FRMD5: variants seen among roughly 807,000 people sequenced by gnomAD.
FRMD5 encodes the protein FERM domain containing 5, also known as FERM domain-containing protein 5.
FRMD5 carries 20 observed loss-of-function variants against 69.0 expected under a neutral mutation model. That is an observed-to-expected ratio of 0.29 (90% CI 0.20 to 0.42). The LOEUF is 0.42. Ranked by LOEUF, FRMD5 falls within the 10% of genes least tolerant of loss-of-function variation. The pLI, the probability that FRMD5 is intolerant of heterozygous loss-of-function variation, is 1.00. For missense variants in FRMD5, 595 were observed against 708.6 expected (o/e 0.84, Z 1.82); for synonymous variants, 271 against 260.1 (o/e 1.04, Z -0.40).
chr15:43,900,433 G>A (rs1312391920), intron 7 of FRMD5, among the ~76,000 whole-genome samples: 1 of 152,184 alleles, frequency 6.6e-6, no homozygotes, highest in Non-Finnish European at 1.5e-5. Context: ...AAGAACACAG[G>A]GGTTACTTTG....
rs138711241 is a variant in FRMD5 at position 43,918,380 on chromosome 15, C to T, written c.329+1079G>A. 2.4e-3 allele frequency among the ~76,000 whole-genome samples: 363 copies of T among 152,268 alleles called. 1 individual carries two copies. Among genetic ancestry groups the T allele is most frequent in the Admixed American group, 5.8e-3 (89 of 15,306 alleles). ...TGGAGGTTGCAGTGAGCTGAGATCG[C>T]GCCACTGCACTCCAGCCTGGGCAAC... On this transcript the variant is annotated intron_variant, in intron 4 of 13. Transcript: ENST00000417257.
intron 1 of FRMD5, among the ~76,000 whole-genome samples, chr15:44,028,813 T>C (rs1345105564): frequency 6.6e-6 from 1 of 152,170 alleles, no homozygotes; most frequent in Non-Finnish European, 1.5e-5. Context: ...GAGACACCTA[T>C]GGCCATCATT....
At position 44,034,416 on chromosome 15, in the gene FRMD5, A is replaced by G. The variant is rs1020803012; in HGVS notation, c.103-110107T>C. ...AGTAATACCCATGTGTTGTCTTTAAAGGTTCACTTGGTCTACACTTGGGTT... is the reference window on the plus strand; with the variant it reads ...AGTAATACCCATGTGTTGTCTTTAAGGGTTCACTTGGTCTACACTTGGGTT... On this transcript the variant is annotated intron_variant, in intron 1 of 13. Transcript: ENST00000417257. 1.1e-4 allele frequency among the ~76,000 whole-genome samples: 17 copies of G among 152,334 alleles called. 1 individual carries two copies. The highest frequency in any genetic ancestry group is 8.5e-4 in the Admixed American group (13 of 15,306).
chr15:44,047,409 T>C (rs556944426), intron 1 of FRMD5, among the ~76,000 whole-genome samples: 9 of 152,286 alleles, frequency 5.9e-5, no homozygotes, highest in African/African-American at 1.9e-4. Context: ...ACGGGTGCCC[T>C]CTGGCCTGCT....
At chr15:44,079,083 C>G (rs1893890610) in intron 1 of FRMD5, among the ~76,000 whole-genome samples, 1 of 151,730 alleles carries the variant, frequency 6.6e-6, no homozygotes, top group Non-Finnish European at 1.5e-5. Context: ...AAAAAACATC[C>G]CAATTAAAAA....
chr15:43,914,777 A>G (rs1595513331), intron 4 of FRMD5, among the ~76,000 whole-genome samples: 2 of 133,480 alleles, frequency 1.5e-5, no homozygotes, highest in Non-Finnish European at 3.0e-5. Context: ...CCAGGCTGGA[A>G]TGCAGTAGTG....
intron 7 of FRMD5, among the ~76,000 whole-genome samples, chr15:43,895,217 A>C (rs2088885582): frequency 1.3e-5 from 2 of 152,254 alleles, no homozygotes; most frequent in African/African-American, 4.8e-5. Flanking sequence ...GCTAGTTAGG[A>C]AACGAAAATG....
At chr15:44,196,746 CTCTCTT>C (rs146745665), upstream of FRMD5, among the ~76,000 whole-genome samples, 136 of 109,412 alleles carry the variant, frequency 1.2e-3, no homozygotes, top group Middle Eastern at 0.014. Context: ...CTCTCTCTCT[CTCTCTT>C]TCTCTCTCTC....
At chr15:43,971,890 T>C (rs2090385912) in intron 1 of FRMD5, among the ~76,000 whole-genome samples, 1 of 150,108 alleles carries the variant, frequency 6.7e-6, no homozygotes, top group South Asian at 2.1e-4. Context: ...GTATTTTTAG[T>C]AGAGACAGGG....
chr15:44,022,904 T>A (rs1290067575), intron 1 of FRMD5, among the ~76,000 whole-genome samples: 1 of 152,174 alleles, frequency 6.6e-6, no homozygotes, highest in African/African-American at 2.4e-5. Flanking sequence ...TACAAAGTTT[T>A]GGGTTATATG....
chr15:44,124,428 G>A (rs1020426909), intron 1 of FRMD5, among the ~76,000 whole-genome samples: 3 of 151,924 alleles, frequency 2.0e-5, no homozygotes, highest in South Asian at 2.1e-4. Context: ...TCTTGTGGGC[G>A]ATGGCTCACA....
At chr15:43,987,109 GCTTTC>G (rs1889431931) in intron 1 of FRMD5, among the ~76,000 whole-genome samples, 1 of 151,914 alleles carries the variant, frequency 6.6e-6, no homozygotes, top group South Asian at 2.1e-4. Flanking sequence ...CTCTCTTCAG[GCTTTC>G]CTATTCCCCC....
At chr15:44,176,537 C>A (rs1006605065) in intron 1 of FRMD5, among the ~76,000 whole-genome samples, 2 of 152,008 alleles carry the variant, frequency 1.3e-5, no homozygotes, top group African/African-American at 2.4e-5. Flanking sequence ...AAATTGGACT[C>A]CATCAAAATT....
chr15:44,020,024 C>T (rs894746433), intron 1 of FRMD5, among the ~76,000 whole-genome samples: 2 of 151,932 alleles, frequency 1.3e-5, no homozygotes, highest in African/African-American at 4.8e-5. Context: ...TATATGTTTT[C>T]TTTGAATGAA....
At chr15:44,072,283 T>C (rs1416125226) in intron 1 of FRMD5, among the ~76,000 whole-genome samples, 1 of 152,194 alleles carries the variant, frequency 6.6e-6, no homozygotes, top group Non-Finnish European at 1.5e-5. Context: ...CTTAACAGTT[T>C]CTAAGTATGA....
At chr15:44,011,375 C>T (rs931070556) in intron 1 of FRMD5, among the ~76,000 whole-genome samples, 1 of 152,078 alleles carries the variant, frequency 6.6e-6, no homozygotes, top group African/African-American at 2.4e-5. Context: ...CAGGTCCAGG[C>T]AACTAACTGT....
chr15:44,137,701 A>C (rs1212974965), intron 1 of FRMD5, among the ~76,000 whole-genome samples: 1 of 152,186 alleles, frequency 6.6e-6, no homozygotes, highest in Non-Finnish European at 1.5e-5. Context: ...TATTTAGAAT[A>C]AATATTTCCA....
chr15:44,182,957 G>A (rs1191337240), intron 1 of FRMD5, among the ~76,000 whole-genome samples: 2 of 151,700 alleles, frequency 1.3e-5, no homozygotes, highest in African/African-American at 2.4e-5. Flanking sequence ...CACCACGCCA[G>A]GCTAAATTTT....
chr15:44,056,371 C>A (rs1334443397), intron 1 of FRMD5, among the ~76,000 whole-genome samples: 3 of 152,122 alleles, frequency 2.0e-5, no homozygotes, highest in Non-Finnish European at 4.4e-5. Flanking sequence ...ATAGCCAGAG[C>A]AGCAGAAATC....
Sources: gnomAD v4.1 joint callset for allele counts (sites outside exome capture counted in the v4.1 genomes callset) on GRCh38, gnomAD v4.1.1 for gene constraint, MANE v1.5 for transcripts, NCBI Gene and HGNC (gene_info 2026-07-23, HGNC 2026-07-21) for gene names.